The following VKORC1L1 variants were observed in gnomAD, a reference collection of about 807,000 sequenced individuals.
VKORC1L1 encodes the protein vitamin K epoxide reductase complex subunit 1L1.
VKORC1L1 carries 2 observed loss-of-function variants against 18.9 expected under a neutral mutation model. The ratio of observed to expected loss-of-function variants is 0.11; its 90% CI spans 0.04 to 0.33. VKORC1L1 has a LOEUF of 0.33. Among genes scored for constraint, VKORC1L1 ranks in the 10% least tolerant of loss-of-function variants. The pLI, the probability that VKORC1L1 is intolerant of heterozygous loss-of-function variation, is 1.00. For missense variants in VKORC1L1, 123 were observed against 224.1 expected, an observed-to-expected ratio of 0.55 and a Z score of 2.88; for synonymous variants, 96 against 100.0, an observed-to-expected ratio of 0.96 and a Z score of 0.24.
intron 1 of VKORC1L1, among the ~76,000 whole-genome samples, chr7:65,886,234 C>T (rs1447435689): frequency 1.3e-5 from 2 of 152,150 alleles, no homozygotes; most frequent in South Asian, 2.1e-4. Context: ...TTGTAATAAT[C>T]GGCAGTATAT....
intron 1 of VKORC1L1, among the ~76,000 whole-genome samples, chr7:65,924,571 T>G (rs1789728952): frequency 1.3e-5 from 2 of 152,218 alleles, no homozygotes; most frequent in African/African-American, 4.8e-5. Flanking sequence ...TGATTAAACT[T>G]TATTTACAAA....
chr7:65,921,066 G>C (rs1257186396), intron 1 of VKORC1L1, among the ~76,000 whole-genome samples: 1 of 151,916 alleles, frequency 6.6e-6, no homozygotes, highest in East Asian at 1.9e-4. Context: ...TTACTTTGGG[G>C]GGGGTTTAAC....
At chr7:65,904,579 T>C (rs1789373090) in intron 1 of VKORC1L1, among the ~76,000 whole-genome samples, 1 of 152,098 alleles carries the variant, frequency 6.6e-6, no homozygotes, top group South Asian at 2.1e-4. Flanking sequence ...TAGTTAACAA[T>C]GTATAATTTA....
chr7:65,880,954 CT>C (rs1788918524), intron 1 of VKORC1L1, among the ~76,000 whole-genome samples: 1 of 152,180 alleles, frequency 6.6e-6, no homozygotes, highest in Non-Finnish European at 1.5e-5. Context: ...TGAAATGCCC[CT>C]GTGAGCATTT....
intron 1 of VKORC1L1, among the ~76,000 whole-genome samples, chr7:65,917,962 G>A (rs1789615319): frequency 6.6e-6 from 1 of 152,190 alleles, no homozygotes; most frequent in South Asian, 2.1e-4. Context: ...CAACTGGGCA[G>A]GGTCGCGATA....
intron 1 of VKORC1L1, among the ~76,000 whole-genome samples, chr7:65,882,770 C>G (rs1562981616): frequency 6.6e-6 from 1 of 152,154 alleles, no homozygotes; most frequent in African/African-American, 2.4e-5. Context: ...CTGCCTAATG[C>G]ATATATCAGG....
intron 1 of VKORC1L1, among the ~76,000 whole-genome samples, chr7:65,878,894 T>A (rs1377334229): frequency 6.6e-6 from 1 of 151,924 alleles, no homozygotes; most frequent in African/African-American, 2.4e-5. Flanking sequence ...GGTGACAGAG[T>A]GAGACTCTGT....
upstream of VKORC1L1, among the ~76,000 whole-genome samples, chr7:65,868,369 T>C (rs1788687832): frequency 6.6e-6 from 1 of 152,076 alleles, no homozygotes; most frequent in Non-Finnish European, 1.5e-5. Flanking sequence ...TTATACACCG[T>C]TGGTGGGAAT....
At chr7:65,928,218 A>G (rs1402095005) in intron 1 of VKORC1L1, among the ~76,000 whole-genome samples, 1 of 151,246 alleles carries the variant, frequency 6.6e-6, no homozygotes, top group Non-Finnish European at 1.5e-5. Flanking sequence ...ATTAGCATCA[A>G]CATCAAAACA....
intron 1 of VKORC1L1, among the ~76,000 whole-genome samples, chr7:65,928,123 A>G (rs34193460): frequency 0.11 from 16,676 of 152,072 alleles, 1,074 homozygotes; most frequent in Middle Eastern, 0.2. Flanking sequence ...ATGGGAAGAA[A>G]ATTTTAAGCT....
Position 65,954,113 on chromosome 7 carries a change from C to T in VKORC1L1, c.344C>T (p.Thr115Met), listed in dbSNP as rs535465724. The change falls in exon 3 of 3, where the codon ACG becomes ATG. Residue 115 changes from threonine (T) to methionine (M), a missense_variant. Thr to Met is a moderately conservative substitution (Grantham distance 81, BLOSUM62 -1). Transcript: ENST00000360768. ...ASAVAALILMTSSIMSVVGSL... is the reference protein window; with the variant it reads ...ASAVAALILMMSSIMSVVGSL... ...GCTGTGGCGGCTTTGATCCTCATGACGTCCTCCATCATGTCGGTCGTGGGG... is the reference window on the plus strand; with the variant it reads ...GCTGTGGCGGCTTTGATCCTCATGATGTCCTCCATCATGTCGGTCGTGGGG... 12 of 1,606,614 alleles carry T rather than the reference C, an allele frequency of 7.5e-6. No homozygotes were observed. The highest frequency in any genetic ancestry group is 4.5e-5 in the East Asian group (2 of 44,660).
intron 2 of VKORC1L1, among the ~76,000 whole-genome samples, chr7:65,949,434 G>A (rs28535370): frequency 0.043 from 6,524 of 151,672 alleles, 472 homozygotes; most frequent in African/African-American, 0.15. Context: ...AGCTGAGATC[G>A]CGCCATTGCA....
chr7:65,887,455 G>T (rs1372964890), intron 1 of VKORC1L1, among the ~76,000 whole-genome samples: 1 of 151,790 alleles, frequency 6.6e-6, no homozygotes, highest in Non-Finnish European at 1.5e-5. Context: ...TGGAAGTGTA[G>T]GTTCTGAAAT....
rs1391183473 is a variant in VKORC1L1, at chr7:65,958,972, A to G, written c.*4672A>G. Reference sequence around the variant, plus strand: ...GCTGAGCCATACTTCACGGAATAGAACAAGTGTGTTCTGTGCTGGAGCTCA... The same window carrying G: ...GCTGAGCCATACTTCACGGAATAGAGCAAGTGTGTTCTGTGCTGGAGCTCA... On this transcript the variant is annotated 3_prime_UTR_variant, in exon 3 of 3. Coordinates refer to ENST00000360768, the MANE Select transcript of VKORC1L1 (RefSeq NM_173517.6). 1 of 152,248 alleles carries G rather than the reference A, an allele frequency of 6.6e-6. No homozygotes were observed. Among genetic ancestry groups the G allele is most frequent in the Non-Finnish European group, 1.5e-5 (1 of 68,056 alleles). The allele number at this position is 152,248 out of a possible 1,614,324, so 9.4% of individuals were successfully genotyped here.
intron 1 of VKORC1L1, among the ~76,000 whole-genome samples, chr7:65,902,071 A>T (rs1002080486): frequency 2.6e-5 from 4 of 152,226 alleles, no homozygotes; most frequent in African/African-American, 9.6e-5. Context: ...CCCTATTTAA[A>T]GAAAAACACA....
upstream of VKORC1L1, among the ~76,000 whole-genome samples, chr7:65,869,934 C>T (rs369553914): frequency 1.3e-4 from 20 of 150,920 alleles, no homozygotes; most frequent in East Asian, 9.7e-4. Flanking sequence ...GGATTACAAG[C>T]GTGAGCCACT....
chr7:65,894,817 A>G (rs1789165617), intron 1 of VKORC1L1, among the ~76,000 whole-genome samples: 1 of 152,226 alleles, frequency 6.6e-6, no homozygotes, highest in African/African-American at 2.4e-5. Context: ...AGGGCAAGGC[A>G]GGAGGATCAC....
At chr7:65,918,523 T>A (rs1364279790) in intron 1 of VKORC1L1, among the ~76,000 whole-genome samples, 6 of 152,188 alleles carry the variant, frequency 3.9e-5, no homozygotes, top group Non-Finnish European at 8.8e-5. Context: ...GATTTAAGAG[T>A]CAAACCTAGA....
At position 65,958,130 on chromosome 7, in the gene VKORC1L1, C is replaced by G. The variant is rs1790330201; in HGVS notation, c.*3830C>G. 1 of 152,094 alleles carries G rather than the reference C, an allele frequency of 6.6e-6. No individual in the cohort carries two copies. The highest frequency in any genetic ancestry group is 2.1e-4 in the South Asian group (1 of 4,816). The allele number at this position is 152,094 out of a possible 1,614,324, so 9.4% of individuals were successfully genotyped here. On this transcript the variant is annotated 3_prime_UTR_variant, in exon 3 of 3. Coordinates refer to ENST00000360768, the MANE Select transcript of VKORC1L1 (RefSeq NM_173517.6). The stretch of plus-strand genomic sequence containing the variant: ...GGTGAAACATTTCAGACACCTCAGG[C>G]AGCACTTATGGTTTCTAATTGTGAG...
Sources: gnomAD v4.1 joint callset for allele counts (sites outside exome capture counted in the v4.1 genomes callset) on GRCh38, gnomAD v4.1.1 for gene constraint, MANE v1.5 for transcripts, NCBI Gene and HGNC (gene_info 2026-07-23, HGNC 2026-07-21) for gene names.